The following LIMK2 variants were observed in gnomAD, a reference collection of about 807,000 sequenced individuals.
LIMK2 encodes the protein LIM domain kinase 2.
Under a neutral mutation model 75.7 loss-of-function variants are expected in LIMK2, and 35 were observed. The ratio of observed to expected loss-of-function variants is 0.46; its 90% confidence interval spans 0.35 to 0.61. The LOEUF (loss-of-function observed/expected upper bound fraction) is 0.61. Ranked by LOEUF, LIMK2 falls within the 20% of genes least tolerant of loss-of-function variation. LIMK2 has a pLI of 0.00. For missense variants in LIMK2, 623 were observed against 831.0 expected (o/e 0.75, Z 3.08); for synonymous variants, 301 against 319.2 (o/e 0.94, Z 0.61).
In LIMK2 at chr22:31,245,612, A is replaced by AT. The variant is rs570903867; in HGVS notation, c.117-12672dup. 3.9e-3 allele frequency among the ~76,000 whole-genome samples: 587 copies of AT among 151,866 alleles called. 2 individuals carry two copies. Among genetic ancestry groups the AT allele is most frequent in the Non-Finnish European group, 5.5e-3 (372 of 67,934 alleles). ...CCACCATGACTGGCCTGATTGACTG[A>AT]TTTTTTTAGTAGAGATAGGGTCTTG... On this transcript the variant is annotated intron_variant, in intron 2 of 15. Coordinates refer to ENST00000331728, the MANE Select transcript of LIMK2 (RefSeq NM_005569.4).
chr22:31,256,049 A>AGTGCAGT (rs1478960162), intron 2 of LIMK2, among the ~76,000 whole-genome samples: 4 of 111,612 alleles, frequency 3.6e-5, no homozygotes, highest in South Asian at 6.3e-4. Context: ...TCCAGGCTGG[A>AGTGCAGT]GTGCAGTGGT....
At position 31,271,038 on chromosome 22, in the gene LIMK2, G is replaced by A. The variant is rs56341885; in HGVS notation, c.1318-98G>A. ...CAGGTTGGGTTCTGAAGCTGGGTGG[G>A]CATGGCCTGGTAGGAGAGCATCTAT... is the stretch of plus-strand genomic sequence containing the variant. On this transcript the variant is annotated intron_variant, in intron 11 of 15. Transcript: ENST00000331728. The A allele has an allele frequency of 4.0e-4, 431 of 1,085,056 alleles. 2 individuals carry two copies. The highest frequency in any genetic ancestry group is 2.0e-3 in the Middle Eastern group (10 of 5,038). 67.2% of individuals were successfully genotyped at this position (1,085,056 alleles called of 1,614,324 possible).
At chr22:31,212,970 C>T (rs960866561) in intron 1 of LIMK2, among the ~76,000 whole-genome samples, 1 of 152,024 alleles carries the variant, frequency 6.6e-6, no homozygotes, top group African/African-American at 2.4e-5. Context: ...GGGAGTCCCC[C>T]GGGGCTGGGA....
chr22:31,268,095 G>A (rs374945125), intron 10 of LIMK2, 49 bp from the exon 11 acceptor site: 166 of 1,581,364 alleles, frequency 1.0e-4, no homozygotes, highest in Non-Finnish European at 1.3e-4. Context: ...CCTGGACCAC[G>A]AGTGGGACAG....
At chr22:31,232,830 G>A (rs980499828) in intron 2 of LIMK2, among the ~76,000 whole-genome samples, 1 of 151,944 alleles carries the variant, frequency 6.6e-6, no homozygotes, top group African/African-American at 2.4e-5. Flanking sequence ...AAACTCCTGG[G>A]CTCGAGATCC....
chr22:31,237,537 AGAGT>A (rs1402467385), intron 2 of LIMK2, among the ~76,000 whole-genome samples: 1 of 151,468 alleles, frequency 6.6e-6, no homozygotes, highest in African/African-American at 2.4e-5. Flanking sequence ...GCCCTCCAGT[AGAGT>A]GAGATTCCGT....
chr22:31,245,549 G>A lies in LIMK2; in HGVS notation c.117-12742G>A, dbSNP rs531466899. 3.9e-5 allele frequency among the ~76,000 whole-genome samples: 6 copies of A among 152,148 alleles called. No homozygotes were observed. The East Asian group carries it at 5.8e-4, about 15-fold the overall frequency. Reference sequence around the variant, plus strand: ...ACTTCCAACCTCAGGTGATCTGCCCGCCTCAGCCTTCCAAAGTGCTGGGAT... The same window carrying A: ...ACTTCCAACCTCAGGTGATCTGCCCACCTCAGCCTTCCAAAGTGCTGGGAT... On this transcript the variant is annotated intron_variant, in intron 2 of 15. Transcript: ENST00000331728.
At chr22:31,272,149 C>T (rs2048964288) in intron 12 of LIMK2, among the ~76,000 whole-genome samples, 1 of 152,196 alleles carries the variant, frequency 6.6e-6, no homozygotes, top group African/African-American at 2.4e-5. Flanking sequence ...CAGCCTCTAC[C>T]TCCCGGGTTC....
In LIMK2 at chr22:31,279,108, C is replaced by G. The variant is rs545950176; in HGVS notation, c.*667C>G. The G allele has an allele frequency of 3.9e-5, 6 of 152,344 alleles. No homozygotes were observed. The East Asian group carries it at 9.6e-4, about 24-fold the overall frequency. 9.4% of individuals were successfully genotyped at this position (152,344 alleles called of 1,614,324 possible). ...GGGACCACATCAATGTGAGAGGAAG[C>G]CTCCACCTCATGTTTTCAAACTTAA... On this transcript the variant is annotated 3_prime_UTR_variant, in exon 16 of 16. Transcript: ENST00000331728.
chr22:31,228,228 C>G, intron 2 of LIMK2, among the ~76,000 whole-genome samples: 1 of 151,960 alleles, frequency 6.6e-6, no homozygotes, highest in Admixed American at 6.6e-5. Flanking sequence ...ACCAGCCTGA[C>G]CAACATGGTG....
At chr22:31,250,123 T>G (rs1487089216) in intron 2 of LIMK2, among the ~76,000 whole-genome samples, 1 of 152,200 alleles carries the variant, frequency 6.6e-6, no homozygotes, top group Non-Finnish European at 1.5e-5. Context: ...AGGGATAGTT[T>G]GCCTGACTTG....
chr22:31,238,114 C>CA (rs34428618), intron 2 of LIMK2, among the ~76,000 whole-genome samples: 30,661 of 79,970 alleles, frequency 0.38, 5,412 homozygotes, highest in African/African-American at 0.58. Context: ...GACACTGTCT[C>CA]AAAAAAAAAA....
intron 11 of LIMK2, among the ~76,000 whole-genome samples, chr22:31,269,062 GTTT>G (rs530506348): frequency 0.021 from 2,893 of 140,246 alleles, 88 homozygotes; most frequent in African/African-American, 0.063. Context: ...TTGTTTTTTT[GTTT>G]TTTTTTCCTG....
chr22:31,216,244 G>A (rs1297888358), intron 1 of LIMK2, among the ~76,000 whole-genome samples: 1 of 152,212 alleles, frequency 6.6e-6, no homozygotes, highest in Non-Finnish European at 1.5e-5. Context: ...CTTAAAGAAG[G>A]TGGGGAAGAT....
rs2049068040 is a variant in LIMK2 at position 31,279,774 on chromosome 22, TAAAGG to T, written c.*1335_*1339del. 1.3e-5 allele frequency: 2 copies of T among 152,212 alleles called. No individual in the cohort carries two copies. Among genetic ancestry groups the T allele is most frequent in the Non-Finnish European group, 2.9e-5 (2 of 68,038 alleles). 9.4% of individuals were successfully genotyped at this position (152,212 alleles called of 1,614,324 possible). A position where few individuals can be genotyped will look rare whatever the true frequency, so the allele number is the denominator to read the frequency against. On this transcript the variant is annotated 3_prime_UTR_variant, in exon 16 of 16. Transcript: ENST00000331728. ...GTTGTATTGGAGCAGGGGGAATTGA[TAAAGG>T]AGAGTGGTTGCTGTTAATATTATCT...
At chr22:31,228,973 C>A (rs1468948455) in intron 2 of LIMK2, among the ~76,000 whole-genome samples, 2 of 144,858 alleles carry the variant, frequency 1.4e-5, no homozygotes, top group African/African-American at 5.3e-5. Flanking sequence ...AAAAAAAAAA[C>A]CCTTAATAAT....
chr22:31,258,742 G>A (rs78030146), intron 3 of LIMK2: 570 of 390,940 alleles, frequency 1.5e-3, no homozygotes, highest in African/African-American at 0.01. Context: ...GTTGTCTTTA[G>A]GGAATCAGAA....
At position 31,212,341 on chromosome 22, in the gene LIMK2, T is replaced by C. The variant is rs1401274639; in HGVS notation, c.-68T>C. On this transcript the variant is annotated 5_prime_UTR_variant, in exon 1 of 16. Coordinates refer to ENST00000331728, the MANE Select transcript of LIMK2 (RefSeq NM_005569.4). Reference sequence around the variant, plus strand: ...CGGCGGCGGCAGGAGCTGAGGGGAGTTGTAGGGAACTGAGGGGAGCTGCTG... The same window carrying C: ...CGGCGGCGGCAGGAGCTGAGGGGAGCTGTAGGGAACTGAGGGGAGCTGCTG... 1.4e-5 allele frequency: 19 copies of C among 1,311,232 alleles called. No homozygotes were observed. Among genetic ancestry groups the C allele is most frequent in the Admixed American group, 6.3e-5 (2 of 31,732 alleles). The allele number at this position is 1,311,232 out of a possible 1,614,324, so 81.2% of individuals were successfully genotyped here. A position where few individuals can be genotyped will look rare whatever the true frequency, so the allele number is the denominator to read the frequency against.
chr22:31,237,258 C>A (rs1367643964), intron 2 of LIMK2, among the ~76,000 whole-genome samples: 1 of 114,868 alleles, frequency 8.7e-6, no homozygotes, highest in Admixed American at 9.8e-5. Flanking sequence ...AAGACTCTGT[C>A]TCAAAAAAAA....
Sources: gnomAD v4.1 joint callset for allele counts (sites outside exome capture counted in the v4.1 genomes callset) on GRCh38, gnomAD v4.1.1 for gene constraint, MANE v1.5 for transcripts, NCBI Gene and HGNC (gene_info 2026-07-23, HGNC 2026-07-21) for gene names.